The following BCL2 variants were observed in gnomAD, a reference collection of about 807,000 sequenced individuals.
BCL2 encodes the protein apoptosis regulator Bcl-2.
In BCL2, 1 loss-of-function variant was observed where a neutral mutation model predicts 14.2. The ratio of observed to expected loss-of-function variants is 0.07; its 90% CI spans 0.02 to 0.33. BCL2 has a LOEUF of 0.33. Ranked by LOEUF, BCL2 falls within the 10% of genes least tolerant of loss-of-function variation. The pLI, the probability that BCL2 is intolerant of heterozygous loss-of-function variation, is 0.99. For synonymous variants in BCL2, 151 were observed against 137.2 expected, an observed-to-expected ratio of 1.10 and a Z score of -0.70; for missense variants, 247 against 305.9, an observed-to-expected ratio of 0.81 and a Z score of 1.44.
At chr18:63,236,656 T>A (rs1910840353) in intron 2 of BCL2, among the ~76,000 whole-genome samples, 1 of 152,176 alleles carries the variant, frequency 6.6e-6, no homozygotes, top group Non-Finnish European at 1.5e-5. Context: ...CTTCAATGAA[T>A]CTGTAATTCA....
chr18:63,282,480 TAAAG>T (rs764289069), intron 2 of BCL2, among the ~76,000 whole-genome samples: 28 of 152,176 alleles, frequency 1.8e-4, no homozygotes, highest in Non-Finnish European at 3.2e-4. Flanking sequence ...GTTTAAGAAA[TAAAG>T]AAAGTTGACT....
chr18:63,136,152 C>A (rs1329338965), intron 2 of BCL2, among the ~76,000 whole-genome samples: 1 of 152,196 alleles, frequency 6.6e-6, no homozygotes, highest in Non-Finnish European at 1.5e-5. Context: ...TCTGTCTGGA[C>A]ATTTTCTTTT....
chr18:63,218,288 G>GA (rs1248139364), intron 2 of BCL2, among the ~76,000 whole-genome samples: 1 of 151,990 alleles, frequency 6.6e-6, no homozygotes, highest in East Asian at 1.9e-4. Flanking sequence ...TAACTAACAT[G>GA]AAACCAGCAG....
chr18:63,242,649 C>A (rs570551616), intron 2 of BCL2, among the ~76,000 whole-genome samples: 188 of 152,288 alleles, frequency 1.2e-3, no homozygotes, highest in African/African-American at 4.3e-3. Context: ...AACATCCCCC[C>A]TCACCCCTGC....
At chr18:63,230,086 C>T (rs949012064) in intron 2 of BCL2, among the ~76,000 whole-genome samples, 2 of 151,998 alleles carry the variant, frequency 1.3e-5, no homozygotes, top group Admixed American at 6.5e-5. Context: ...AGAGAATGCA[C>T]ATGAAATGTT....
intron 2 of BCL2, among the ~76,000 whole-genome samples, chr18:63,229,872 T>C (rs1307440572): frequency 6.6e-6 from 1 of 152,230 alleles, no homozygotes; most frequent in Non-Finnish European, 1.5e-5. Context: ...GTGCCTTGGA[T>C]ATGCTGTTTC....
At chr18:63,260,700 A>G (rs1454756343) in intron 2 of BCL2, among the ~76,000 whole-genome samples, 3 of 135,724 alleles carry the variant, frequency 2.2e-5, no homozygotes, top group African/African-American at 7.4e-5. Context: ...TTGATTTTAA[A>G]AATGGAAAAA....
intron 2 of BCL2, among the ~76,000 whole-genome samples, chr18:63,263,734 C>T (rs1241404478): frequency 6.6e-6 from 1 of 152,172 alleles, no homozygotes; most frequent in Non-Finnish European, 1.5e-5. Context: ...AATCTTGGCT[C>T]CACTGTACAA....
chr18:63,289,824 G>A (rs558658685), intron 2 of BCL2, among the ~76,000 whole-genome samples: 35 of 152,272 alleles, frequency 2.3e-4, no homozygotes, highest in African/African-American at 8.4e-4. Context: ...AGCCTGGGAG[G>A]CGGAGGTTGC....
intron 2 of BCL2, among the ~76,000 whole-genome samples, chr18:63,305,398 T>C (rs1416285409): frequency 7.2e-5 from 11 of 152,222 alleles, no homozygotes; most frequent in Non-Finnish European, 1.2e-4. Context: ...CCTGTGCTTA[T>C]TGGCTCGTAC....
chr18:63,287,082 C>T (rs534200297), intron 2 of BCL2, among the ~76,000 whole-genome samples: 181 of 152,296 alleles, frequency 1.2e-3, no homozygotes, highest in Middle Eastern at 3.4e-3. Flanking sequence ...TCTCTCACTT[C>T]TCTCTCTACT....
intron 2 of BCL2, among the ~76,000 whole-genome samples, chr18:63,245,537 G>A (rs1351855466): frequency 6.6e-6 from 1 of 152,196 alleles, no homozygotes; most frequent in Non-Finnish European, 1.5e-5. Context: ...TTTCTTGGTA[G>A]GGATGGAATA....
intron 2 of BCL2, among the ~76,000 whole-genome samples, chr18:63,306,949 T>G (rs538977189): frequency 5.3e-5 from 8 of 152,222 alleles, no homozygotes; most frequent in African/African-American, 1.9e-4. Flanking sequence ...GCCAAAAGAT[T>G]GGATAGCACT....
intron 2 of BCL2, among the ~76,000 whole-genome samples, chr18:63,261,683 G>A (rs1362647165): frequency 6.6e-6 from 1 of 151,990 alleles, no homozygotes; most frequent in Non-Finnish European, 1.5e-5. Context: ...TACATTTTCT[G>A]AAAAATAAAA....
chr18:63,244,223 C>T (rs1911092839), intron 2 of BCL2, among the ~76,000 whole-genome samples: 1 of 152,096 alleles, frequency 6.6e-6, no homozygotes, highest in Non-Finnish European at 1.5e-5. Context: ...ACCAAAAATA[C>T]AAAAATTAGC....
At chr18:63,218,623 C>CTCATCTCCATCCTCCAA in intron 2 of BCL2, among the ~76,000 whole-genome samples, 1 of 55,028 alleles carries the variant, frequency 1.8e-5, no homozygotes. Context: ...TCCCCCTCCA[C>CTCATCTCCATCCTCCAA]TCATCCCATC....
intron 2 of BCL2, among the ~76,000 whole-genome samples, chr18:63,251,737 T>C (rs1425001647): frequency 6.6e-6 from 1 of 151,310 alleles, no homozygotes; most frequent in Non-Finnish European, 1.5e-5. Context: ...TCTCTCTTGT[T>C]GCCCAGGCTG....
intron 2 of BCL2, among the ~76,000 whole-genome samples, chr18:63,306,412 C>T (rs1044636237): frequency 7.2e-5 from 11 of 152,308 alleles, no homozygotes; most frequent in African/African-American, 2.6e-4. Flanking sequence ...GTCAGGGTGA[C>T]GTATCTGAAA....
At chr18:63,236,823 C>T (rs2144185532) in intron 2 of BCL2, among the ~76,000 whole-genome samples, 1 of 152,306 alleles carries the variant, frequency 6.6e-6, no homozygotes, top group East Asian at 1.9e-4. Flanking sequence ...GGGGCATTAG[C>T]TCTGAGATCT....
Sources: allele counts gnomAD v4.1 joint callset (sites outside exome capture counted in the v4.1 genomes callset), GRCh38; gene constraint gnomAD v4.1.1; transcripts MANE v1.5; gene names NCBI Gene and HGNC (gene_info 2026-07-23, HGNC 2026-07-21).